Variants in ENPP1 observed in about 807,000 individuals in gnomAD.
ENPP1 encodes ectonucleotide pyrophosphatase/phosphodiesterase 1.
ENPP1 carries 73 observed loss-of-function variants against 122.8 expected under a neutral mutation model. The ratio of observed to expected loss-of-function variants is 0.59; its 90% confidence interval spans 0.49 to 0.72. The LOEUF is 0.72. Ranked by LOEUF, ENPP1 falls within the 30% of genes least tolerant of loss-of-function variation. The probability of loss-of-function intolerance (pLI) is 0.00; values close to 1 mark genes in which losing one functional copy is unlikely to be tolerated. For missense variants in ENPP1, 978 were observed against 1,128.1 expected (o/e 0.87, Z 1.91); for synonymous variants, 367 against 391.6 (o/e 0.94, Z 0.74).
At chr6:131,831,713 C>G (rs1039041467) in intron 1 of ENPP1, among the ~76,000 whole-genome samples, 1 of 152,172 alleles carries the variant, frequency 6.6e-6, no homozygotes, top group African/African-American at 2.4e-5. Context: ...CTTAACTCAT[C>G]ATTTCAAGAG....
Position 131,884,956 on chromosome 6 carries a change from C to A in ENPP1, c.2337C>A (p.Thr779=). 1 of 1,614,010 alleles carries A rather than the reference C, an allele frequency of 6.2e-7. No individual in the cohort carries two copies. The highest frequency in any genetic ancestry group is 8.5e-7 in the Non-Finnish European group (1 of 1,179,928). ...FQVIWRYFHD[T]LLRKYAEERN... is the part of the protein sequence containing the mutation. Reference sequence around the variant, plus strand: ...TTATATGGCGCTACTTTCATGACACCCTACTGCGAAAGTATGCTGAAGAAA... The same window carrying A: ...TTATATGGCGCTACTTTCATGACACACTACTGCGAAAGTATGCTGAAGAAA... Residue 779 remains threonine (T), a synonymous_variant, in exon 23 of 25, where the codon ACC becomes ACA. Transcript: ENST00000647893.
At chr6:131,854,760 G>A (rs140012228) in intron 5 of ENPP1, among the ~76,000 whole-genome samples, 166 bp from the exon 6 acceptor site, 7 of 152,084 alleles carry the variant, frequency 4.6e-5, no homozygotes, top group Non-Finnish European at 1.0e-4. Flanking sequence ...CATGTAAAAC[G>A]TACTTTATAA....
intron 1 of ENPP1, among the ~76,000 whole-genome samples, chr6:131,840,581 G>A (rs557552448): frequency 6.6e-6 from 1 of 152,298 alleles, no homozygotes; most frequent in African/African-American, 2.4e-5. Flanking sequence ...TCCGCCGAAG[G>A]CTCCTGCCAA....
At chr6:131,836,038 A>G (rs917920712) in intron 1 of ENPP1, among the ~76,000 whole-genome samples, 6 of 151,884 alleles carry the variant, frequency 4.0e-5, no homozygotes, top group African/African-American at 1.2e-4. Flanking sequence ...CTCTGACTTT[A>G]TTTCTCTTGT....
intron 1 of ENPP1, among the ~76,000 whole-genome samples, chr6:131,819,288 C>A (rs1781455207): frequency 6.6e-6 from 1 of 152,028 alleles, no homozygotes; most frequent in South Asian, 2.1e-4. Flanking sequence ...ATTTTTATGC[C>A]ATAATTTACT....
At chr6:131,865,118 G>A (rs1782073278) in intron 11 of ENPP1, among the ~76,000 whole-genome samples, 180 bp downstream of exon 11, 1 of 152,194 alleles carries the variant, frequency 6.6e-6, no homozygotes, top group Non-Finnish European at 1.5e-5. Context: ...TGGGAGAATT[G>A]TTTAGCCTGT....
At position 131,850,078 on chromosome 6, in the gene ENPP1, A is replaced by C; in HGVS notation, c.402A>C (p.Leu134Phe). 1 of 1,613,236 alleles carries C rather than the reference A, an allele frequency of 6.2e-7. No individual in the cohort carries two copies. The highest frequency in any genetic ancestry group is 1.1e-5 in the South Asian group (1 of 91,068). Residue 134 changes from leucine to phenylalanine, a missense_variant, in exon 3 of 25, where the codon TTA becomes TTC. Leu to Phe is a conservative substitution (Grantham distance 22, BLOSUM62 0). Coordinates refer to ENST00000647893, the MANE Select transcript of ENPP1 (RefSeq NM_006208.3). ...AACVELGNCCLDYQETCIEPE... is the reference protein window; with the variant it reads ...AACVELGNCCFDYQETCIEPE... ...GTGTTGAGCTTGGAAACTGCTGTTTAGATTACCAGGAGACGTGCATAGAAC... is the reference window on the plus strand; with the variant it reads ...GTGTTGAGCTTGGAAACTGCTGTTTCGATTACCAGGAGACGTGCATAGAAC...
chr6:131,859,066 C>CA (rs1781984063), intron 7 of ENPP1, among the ~76,000 whole-genome samples: 1 of 151,994 alleles, frequency 6.6e-6, no homozygotes, highest in Non-Finnish European at 1.5e-5. Context: ...TTATTTGAGC[C>CA]AAAAAACCTT....
rs1782313031 is a variant in ENPP1 at position 131,881,825 on chromosome 6, C to T, written c.2101-520C>T. ...CCTGAGGTCAGGAGCTCAAGACCAGCCTTGCCAACATGGTGAAACCCCATC... is the reference window on the plus strand; with the variant it reads ...CCTGAGGTCAGGAGCTCAAGACCAGTCTTGCCAACATGGTGAAACCCCATC... On this transcript the variant is annotated intron_variant, in intron 20 of 24. Coordinates refer to ENST00000647893, the MANE Select transcript of ENPP1 (RefSeq NM_006208.3). Among the ~76,000 whole-genome samples the T allele has an allele frequency of 4.6e-5, 7 of 151,972 alleles. No homozygotes were observed. The South Asian group carries it at 1.5e-3, about 32-fold the overall frequency.
chr6:131,809,710 G>T (rs1206498187), intron 1 of ENPP1, among the ~76,000 whole-genome samples: 1 of 152,224 alleles, frequency 6.6e-6, no homozygotes, highest in Non-Finnish European at 1.5e-5. Context: ...TGTAACTCTT[G>T]TGTAAAACCA....
At chr6:131,888,526 G>T (rs1388610719) in intron 24 of ENPP1, among the ~76,000 whole-genome samples, 1 of 152,122 alleles carries the variant, frequency 6.6e-6, no homozygotes, top group African/African-American at 2.4e-5. Flanking sequence ...AGAATACAAT[G>T]ATCCGTTTGC....
chr6:131,876,934 TCTA>T (rs1293591153), intron 17 of ENPP1, 55 bp from the exon 18 acceptor site: 6 of 1,507,064 alleles, frequency 4.0e-6, no homozygotes, highest in African/African-American at 1.4e-5. Flanking sequence ...ATGGCACAAG[TCTA>T]CTATTTGTTT....
Position 131,871,221 on chromosome 6 carries a change from A to C in ENPP1, c.1406-849A>C, listed in dbSNP as rs185748339. On this transcript the variant is annotated intron_variant, in intron 13 of 24. Transcript: ENST00000647893. ...GTATGTCACTTTACATAAATATATAAAATATATGTATATAAAATGTATACT... is the reference window on the plus strand; with the variant it reads ...GTATGTCACTTTACATAAATATATACAATATATGTATATAAAATGTATACT... Among the ~76,000 whole-genome samples, 255 of 152,260 alleles carry C rather than the reference A, an allele frequency of 1.7e-3. 1 individual carries two copies. The highest frequency in any genetic ancestry group is 2.7e-3 in the Non-Finnish European group (186 of 68,020).
intron 8 of ENPP1, among the ~76,000 whole-genome samples, chr6:131,861,361 T>C (rs1278116609): frequency 6.6e-6 from 1 of 152,178 alleles, no homozygotes; most frequent in Non-Finnish European, 1.5e-5. Context: ...AAGAGACAAC[T>C]GTTAATTAGG....
At chr6:131,857,243 C>T (rs568310836) in intron 6 of ENPP1, among the ~76,000 whole-genome samples, 6 of 147,022 alleles carry the variant, frequency 4.1e-5, no homozygotes, top group Non-Finnish European at 5.9e-5. Context: ...TCAGTGTGGC[C>T]ATTCCTCAGG....
chr6:131,835,749 G>A (rs1781665702), intron 1 of ENPP1, among the ~76,000 whole-genome samples: 1 of 152,022 alleles, frequency 6.6e-6, no homozygotes, highest in Non-Finnish European at 1.5e-5. Flanking sequence ...CCCAGTGTGT[G>A]TTGTTCCCCC....
In ENPP1 at chr6:131,815,871, ATTTTTTTT is replaced by A. The variant is rs750091125; in HGVS notation, c.240+7610_240+7617del. ...AGGCGCACACCACCACACCTGGCTA[ATTTTTTTT>A]TTTTTTTTTTTTTGTATTTTTAGTA... On this transcript the variant is annotated intron_variant, in intron 1 of 24. Transcript: ENST00000647893. Among the ~76,000 whole-genome samples the A allele has an allele frequency of 8.9e-4, 103 of 115,830 alleles. 2 individuals are homozygous for A. The highest frequency in any genetic ancestry group is 2.6e-4 in the Non-Finnish European group (15 of 57,584). The allele number at this position is 115,830 out of a possible 152,430, so 76.0% of individuals were successfully genotyped here. A position where few individuals can be genotyped will look rare whatever the true frequency, so the allele number is the denominator to read the frequency against.
At chr6:131,819,890 T>A in intron 1 of ENPP1, 1 of 489,004 alleles carries the variant, frequency 2.0e-6, no homozygotes, top group Non-Finnish European at 3.9e-6. Flanking sequence ...AGTTTCCCAG[T>A]GGCCCTCTTC....
intron 19 of ENPP1, among the ~76,000 whole-genome samples, chr6:131,879,381 G>A (rs1049766249): frequency 2.6e-5 from 4 of 151,716 alleles, no homozygotes; most frequent in Non-Finnish European, 5.9e-5. Flanking sequence ...AATTCATAGG[G>A]AAATGTAAAA....
Sources: gnomAD v4.1 joint callset for allele counts (sites outside exome capture counted in the v4.1 genomes callset) on GRCh38, gnomAD v4.1.1 for gene constraint, MANE v1.5 for transcripts, NCBI Gene and HGNC (gene_info 2026-07-23, HGNC 2026-07-21) for gene names.